PDCD6: variants seen among roughly 807,000 people sequenced by gnomAD.
PDCD6 encodes the protein programmed cell death 6.
PDCD6 carries 12 observed loss-of-function variants against 28.3 expected under a neutral mutation model. That is an observed-to-expected ratio of 0.42 (90% CI 0.27 to 0.69). The LOEUF is 0.69. Among genes scored for constraint, PDCD6 ranks in the 30% least tolerant of loss-of-function variants. The pLI is 0.22. For missense variants in PDCD6, 226 were observed against 269.9 expected (o/e 0.84, Z 1.14); for synonymous variants, 92 against 108.0 (o/e 0.85, Z 0.92).
chr5:275,097 G>A (rs1163258702), intron 2 of PDCD6, among the ~76,000 whole-genome samples: 2 of 151,922 alleles, frequency 1.3e-5, no homozygotes. Flanking sequence ...AAGCCCCACC[G>A]CCCTTCAGGA....
In PDCD6 at chr5:271,818, A is replaced by T. The variant is rs752976402; in HGVS notation, c.98A>T (p.Gln33Leu). 3 of 1,434,284 alleles carry T rather than the reference A, an allele frequency of 2.1e-6. No individual in the cohort carries two copies. The African/African-American group carries it at 4.5e-5, about 21-fold the overall frequency. 88.8% of individuals were successfully genotyped at this position (1,434,284 alleles called of 1,614,324 possible). A position where few individuals can be genotyped will look rare whatever the true frequency, so the allele number is the denominator to read the frequency against. The change falls in exon 1 of 6, where the codon CAG (glutamine) becomes CTG (leucine). Residue 33 changes from glutamine to leucine, a missense_variant. This residue lies in a region of PDCD6 where 72 missense variants were observed against 71.4 expected (regional missense o/e 1.01). Transcript: ENST00000264933. The part of the protein sequence containing the change: ...PDQSFLWNVF[Q>L]RVDKDRSGVI... The stretch of plus-strand genomic sequence containing the variant: ...CAGAGCTTCCTGTGGAACGTTTTCC[A>T]GAGGTGCGGCCTGGCACCGCCCGGG...
At chr5:283,254 A>T (rs934929791) in intron 2 of PDCD6, among the ~76,000 whole-genome samples, 3 of 151,180 alleles carry the variant, frequency 2.0e-5, no homozygotes, top group Admixed American at 1.3e-4. Flanking sequence ...AGGGTCATGC[A>T]GCTGAAGACT....
intron 2 of PDCD6, among the ~76,000 whole-genome samples, chr5:279,462 C>G (rs1271198490): frequency 1.3e-5 from 2 of 152,056 alleles, no homozygotes; most frequent in African/African-American, 4.8e-5. Context: ...TGGTTCCCAC[C>G]CTCAGCCTAG....
rs193054042 is a variant in PDCD6 at position 304,374 on chromosome 5, G to A, written c.208+153G>A. 50 of 1,231,598 alleles carry A rather than the reference G, an allele frequency of 4.1e-5. No homozygotes were observed. The Admixed American group carries it at 4.2e-4, about 10-fold the overall frequency. 76.3% of individuals were successfully genotyped at this position (1,231,598 alleles called of 1,614,324 possible). On this transcript the variant is annotated intron_variant, in intron 3 of 5. Transcript: ENST00000264933. ...TCGGCCCTTTCATCCCTCTCCCTCCGTCTCTGTACCTTTTCACATCTCTCC... is the reference window on the plus strand; with the variant it reads ...TCGGCCCTTTCATCCCTCTCCCTCCATCTCTGTACCTTTTCACATCTCTCC...
intron 2 of PDCD6, among the ~76,000 whole-genome samples, chr5:287,602 C>T (rs1739049162): frequency 6.6e-6 from 1 of 152,116 alleles, no homozygotes; most frequent in African/African-American, 2.4e-5. Flanking sequence ...ACACAATATA[C>T]ATCTTTTCAA....
At chr5:296,336 G>C (rs1481963550) in intron 2 of PDCD6, among the ~76,000 whole-genome samples, 1 of 152,216 alleles carries the variant, frequency 6.6e-6, no homozygotes, top group African/African-American at 2.4e-5. Context: ...TTCACCCTGG[G>C]CCTCTGCTCT....
chr5:308,672 T>C (rs1167908137), intron 4 of PDCD6: 2 of 152,226 alleles, frequency 1.3e-5, no homozygotes, highest in African/African-American at 2.4e-5. Flanking sequence ...TTCTTTTGTC[T>C]TGGCCCCTGT....
rs1740599933 is a variant in PDCD6, at chr5:307,487, G to C, written c.367+727G>C. 6.6e-6 allele frequency among the ~76,000 whole-genome samples: 1 copy of C among 152,216 alleles called. No individual in the cohort carries two copies. The highest frequency in any genetic ancestry group is 2.4e-5 in the African/African-American group (1 of 41,456). ...ATGTGACGGTGTGCCGTGGGTCTAG[G>C]AGTGTTCACAGTGCCTGTCCAGAGT... On this transcript the variant is annotated intron_variant, in intron 4 of 5. Transcript: ENST00000264933. This position sits in a 1 kb window ranked among gnomAD's most constrained non-coding sequence, Gnocchi z 6.1.
At chr5:302,020 A>G (rs1227344996) in intron 2 of PDCD6, among the ~76,000 whole-genome samples, 48 of 125,936 alleles carry the variant, frequency 3.8e-4, no homozygotes, top group Admixed American at 5.2e-4. Context: ...TTGTGGGAAG[A>G]GCACAGCTTC....
chr5:303,505 A>G (rs1561048162), intron 2 of PDCD6, among the ~76,000 whole-genome samples: 1 of 151,890 alleles, frequency 6.6e-6, no homozygotes, highest in Non-Finnish European at 1.5e-5. Context: ...TGAGCGCTCA[A>G]GGGTATCAGA....
intron 2 of PDCD6, among the ~76,000 whole-genome samples, chr5:294,613 C>T (rs576063784): frequency 1.3e-5 from 2 of 152,226 alleles, no homozygotes; most frequent in Non-Finnish European, 2.9e-5. Context: ...GGAGGGGTCC[C>T]GCCATGCTGG....
At chr5:276,887 T>C (rs1738232666) in intron 2 of PDCD6, 1 of 985,120 alleles carries the variant, frequency 1.0e-6, no homozygotes, top group Non-Finnish European at 1.2e-6. Context: ...TGAACAGGTA[T>C]GAAGAAGAAG....
At position 305,421 on chromosome 5, in the gene PDCD6, C is replaced by T. The variant is rs2126763835; in HGVS notation, c.209-1181C>T. The T allele has an allele frequency of 6.6e-6, 1 of 152,328 alleles. No individual in the cohort carries two copies. Among genetic ancestry groups the T allele is most frequent in the Middle Eastern group, 3.4e-3 (1 of 294 alleles). The allele number at this position is 152,328 out of a possible 1,614,324, so 9.4% of individuals were successfully genotyped here. ...TGGGGGCTTTTCCAGATGACTGTGC[C>T]CTGCTGGTCGTGCATATGTTGCTAC... is the stretch of plus-strand genomic sequence containing the variant. On this transcript the variant is annotated intron_variant, in intron 3 of 5. Transcript: ENST00000264933. The surrounding 1 kb of genome is among the most constrained non-coding windows in gnomAD (Gnocchi z 4.0).
rs74799424 is a variant in PDCD6, at chr5:277,301, A to ATT, written c.163+4550_163+4551dup. On this transcript the variant is annotated intron_variant, in intron 2 of 5. Transcript: ENST00000264933. Reference sequence around the variant, plus strand: ...CCACCACGCCCAGCTAATTTTTTGTATTTTTTTTTTTTTTTTTTTTTTGAG... The same window carrying ATT: ...CCACCACGCCCAGCTAATTTTTTGTATTTTTTTTTTTTTTTTTTTTTTTTGAG... 1.5e-4 allele frequency among the ~76,000 whole-genome samples: 13 copies of ATT among 86,196 alleles called. No homozygotes were observed. In the East Asian group the frequency reaches 2.1e-3, roughly 14 times the overall value. The allele number at this position is 86,196 out of a possible 152,430, so 56.5% of individuals were successfully genotyped here.
At chr5:288,981 C>T (rs1183034304) in intron 2 of PDCD6, 4 of 1,312,524 alleles carry the variant, frequency 3.0e-6, no homozygotes, top group South Asian at 2.4e-5. Flanking sequence ...ACTTTCAGGG[C>T]CTTCGTTTTC....
At chr5:290,071 T>C in intron 2 of PDCD6, 2 of 1,582,046 alleles carry the variant, frequency 1.3e-6, no homozygotes, top group Admixed American at 1.7e-5. Flanking sequence ...CAGTATTCTT[T>C]CCTTCATTTC....
At chr5:276,633 C>T (rs1199536822) in intron 2 of PDCD6, 6 of 980,396 alleles carry the variant, frequency 6.1e-6, no homozygotes, top group Non-Finnish European at 7.3e-6. Flanking sequence ...CCAGATTGGG[C>T]TTCTGTTTTG....
intron 2 of PDCD6, among the ~76,000 whole-genome samples, chr5:291,991 CA>C (rs1324979045): frequency 6.6e-6 from 1 of 152,200 alleles, no homozygotes; most frequent in Non-Finnish European, 1.5e-5. Context: ...ACAAGCATAA[CA>C]AAAATAGACT....
intron 2 of PDCD6, among the ~76,000 whole-genome samples, chr5:277,467 A>G (rs934832156): frequency 5.5e-4 from 83 of 151,718 alleles, no homozygotes; most frequent in African/African-American, 1.9e-3. Context: ...ATGCCTGGCT[A>G]ATTTTTTGTC....
Sources: gnomAD v4.1 joint callset for allele counts (sites outside exome capture counted in the v4.1 genomes callset) on GRCh38, gnomAD v4.1.1 for gene constraint, gnomAD v4.1.1 regional missense constraint, Gnocchi (gnomAD v3.1) non-coding constraint, MANE v1.5 for transcripts, NCBI Gene and HGNC (gene_info 2026-07-23, HGNC 2026-07-21) for gene names.